ROBO2: variants seen among roughly 807,000 people sequenced by gnomAD.
ROBO2 encodes roundabout homolog 2.
A neutral mutation model predicts 160.8 loss-of-function variants in ROBO2; 53 were observed. The observed-to-expected ratio is 0.33, with a 90% CI of 0.26 to 0.41. The LOEUF (loss-of-function observed/expected upper bound fraction) is 0.41. Among genes scored for constraint, ROBO2 ranks in the 10% least tolerant of loss-of-function variants. ROBO2 has a pLI of 1.00. For missense variants in ROBO2, 1,577 were observed against 1,722.4 expected, an observed-to-expected ratio of 0.92 and a Z score of 1.49; for synonymous variants, 664 against 611.7, an observed-to-expected ratio of 1.09 and a Z score of -1.26.
chr3:76,589,962 G>T (rs1007825200), intron 2 of ROBO2, among the ~76,000 whole-genome samples: 6 of 152,126 alleles, frequency 3.9e-5, no homozygotes, highest in Admixed American at 6.6e-5. Context: ...CAGACAGCAG[G>T]ATCTCAGGAG....
At chr3:76,541,646 G>A (rs750515408) in intron 2 of ROBO2, among the ~76,000 whole-genome samples, 14 of 152,180 alleles carry the variant, frequency 9.2e-5, no homozygotes, top group South Asian at 2.1e-4. Flanking sequence ...CACTGATGGC[G>A]TGGCACACGT....
chr3:77,250,534 T>C (rs2090215646), intron 2 of ROBO2, among the ~76,000 whole-genome samples: 1 of 152,302 alleles, frequency 6.6e-6, no homozygotes, highest in East Asian at 1.9e-4. Context: ...ACACATAAAA[T>C]AGCAGCTGAG....
chr3:76,753,484 A>G (rs561733099), intron 2 of ROBO2, among the ~76,000 whole-genome samples: 59 of 152,006 alleles, frequency 3.9e-4, no homozygotes, highest in Non-Finnish European at 6.5e-4. Flanking sequence ...ATGCTTCCTT[A>G]GTTTTTCCTT....
At chr3:77,451,523 C>G (rs2081106087) in intron 2 of ROBO2, among the ~76,000 whole-genome samples, 2 of 152,120 alleles carry the variant, frequency 1.3e-5, no homozygotes, top group Admixed American at 1.3e-4. Context: ...ACATTGCATC[C>G]CAATGCTAGC....
intron 11 of ROBO2, 116 bp from the exon 13 acceptor site, chr3:77,564,838 G>T (rs2093432606): frequency 6.7e-6 from 3 of 448,136 alleles, no homozygotes; most frequent in Non-Finnish European, 1.2e-5. Context: ...TTCAAGTGTT[G>T]TGTGTGTGTG....
intron 2 of ROBO2, among the ~76,000 whole-genome samples, chr3:76,920,841 G>C (rs1284062519): frequency 6.6e-6 from 1 of 152,120 alleles, no homozygotes; most frequent in South Asian, 2.1e-4. Flanking sequence ...ACAAAAGTTA[G>C]ACAAATTTAA....
intron 2 of ROBO2, among the ~76,000 whole-genome samples, chr3:77,321,641 G>A (rs770089094): frequency 6.6e-6 from 1 of 152,142 alleles, no homozygotes; most frequent in Non-Finnish European, 1.5e-5. Flanking sequence ...GAGATTAGTT[G>A]AGTGTTACAG....
intron 2 of ROBO2, among the ~76,000 whole-genome samples, chr3:76,697,965 G>T (rs1164152661): frequency 6.6e-6 from 1 of 152,070 alleles, no homozygotes; most frequent in Non-Finnish European, 1.5e-5. Flanking sequence ...TTATTCATTG[G>T]TTGGAAGAAC....
intron 2 of ROBO2, among the ~76,000 whole-genome samples, chr3:76,030,745 T>A (rs2066892349): frequency 6.6e-6 from 1 of 152,186 alleles, no homozygotes; most frequent in Non-Finnish European, 1.5e-5. Context: ...TTGGTACCAG[T>A]ACCATGCTGT....
intron 2 of ROBO2, among the ~76,000 whole-genome samples, chr3:76,119,141 T>C (rs1296913735): frequency 6.6e-6 from 1 of 152,204 alleles, no homozygotes; most frequent in Non-Finnish European, 1.5e-5. Flanking sequence ...AAATTGCTTA[T>C]GTAAAGTAGG....
chr3:76,874,766 T>C (rs572814843), intron 2 of ROBO2, among the ~76,000 whole-genome samples: 9 of 152,296 alleles, frequency 5.9e-5, no homozygotes, highest in African/African-American at 2.2e-4. Flanking sequence ...ATTTAATTTC[T>C]TCACAGTTGA....
chr3:76,780,716 AAAAATTAGCTGACCG>A, intron 2 of ROBO2, among the ~76,000 whole-genome samples: 1 of 150,968 alleles, frequency 6.6e-6, no homozygotes, highest in East Asian at 2.0e-4. Flanking sequence ...TATTCTTGTC[AAAAATTAGCTGACCG>A]TATATGCATG....
At chr3:76,264,735 C>T (rs1477952579) in intron 2 of ROBO2, among the ~76,000 whole-genome samples, 1 of 152,078 alleles carries the variant, frequency 6.6e-6, no homozygotes, top group African/African-American at 2.4e-5. Flanking sequence ...ATAAGATCAG[C>T]TCTGGAATAG....
chr3:76,918,015 A>G (rs1006889720), intron 2 of ROBO2, among the ~76,000 whole-genome samples: 8 of 152,204 alleles, frequency 5.3e-5, no homozygotes, highest in Admixed American at 2.0e-4. Context: ...TGGATACATA[A>G]TATGTTGGGC....
chr3:77,335,465 C>G (rs1433546128), intron 2 of ROBO2, among the ~76,000 whole-genome samples: 2 of 152,120 alleles, frequency 1.3e-5, no homozygotes, highest in Non-Finnish European at 2.9e-5. Flanking sequence ...TCATCTATAG[C>G]CATAGCTGTA....
At chr3:76,283,624 T>C (rs756342693) in intron 2 of ROBO2, among the ~76,000 whole-genome samples, 1 of 151,990 alleles carries the variant, frequency 6.6e-6, no homozygotes, top group South Asian at 2.1e-4. Flanking sequence ...CCAATTCCCA[T>C]TTAGCATTAA....
At chr3:76,850,542 A>G (rs2069239166) in intron 2 of ROBO2, among the ~76,000 whole-genome samples, 1 of 152,110 alleles carries the variant, frequency 6.6e-6, no homozygotes, top group Non-Finnish European at 1.5e-5. Context: ...TGCATTTCAA[A>G]CTGTATCTAA....
At chr3:77,491,131 A>G (rs1056731636) in intron 4 of ROBO2, among the ~76,000 whole-genome samples, 1 of 152,108 alleles carries the variant, frequency 6.6e-6, no homozygotes, top group African/African-American at 2.4e-5. Context: ...CACTTTCCCC[A>G]ATGTAACTAA....
chr3:76,570,618 C>T (rs1416340703), intron 2 of ROBO2, among the ~76,000 whole-genome samples: 1 of 152,128 alleles, frequency 6.6e-6, no homozygotes, highest in Non-Finnish European at 1.5e-5. Context: ...AACTTTTCAT[C>T]TATTTGCTAA....
Sources: gnomAD v4.1 joint callset for allele counts (sites outside exome capture counted in the v4.1 genomes callset) on GRCh38, gnomAD v4.1.1 for gene constraint, MANE v1.5 for transcripts, NCBI Gene and HGNC (gene_info 2026-07-23, HGNC 2026-07-21) for gene names.